HBS1L: variants seen among roughly 807,000 people sequenced by gnomAD.
HBS1L encodes the protein HBS1 like translational GTPase.
Under a neutral mutation model 88.9 loss-of-function variants are expected in HBS1L, and 55 were observed. The observed-to-expected ratio is 0.62, with a 90% CI of 0.50 to 0.77. The LOEUF (loss-of-function observed/expected upper bound fraction) is 0.77. Ranked by LOEUF, HBS1L falls within the 30% of genes least tolerant of loss-of-function variation. The probability of loss-of-function intolerance (pLI) is 0.00; values close to 1 mark genes in which losing one functional copy is unlikely to be tolerated. For synonymous variants in HBS1L, 267 were observed against 288.5 expected, an observed-to-expected ratio of 0.93 and a Z score of 0.76; for missense variants, 741 against 829.3, an observed-to-expected ratio of 0.89 and a Z score of 1.31.
chr6:135,034,080 G>A (rs1454630224), intron 4 of HBS1L, among the ~76,000 whole-genome samples: 2 of 151,768 alleles, frequency 1.3e-5, no homozygotes, highest in African/African-American at 4.8e-5. Context: ...GTATTATGGT[G>A]CACTGATACA....
intron 4 of HBS1L, among the ~76,000 whole-genome samples, chr6:135,018,173 T>C (rs1315235641): frequency 1.3e-5 from 2 of 152,024 alleles, no homozygotes; most frequent in African/African-American, 2.4e-5. Context: ...ACTTAAAATA[T>C]GAAATCATTT....
At chr6:135,010,138 A>T (rs1775734473) in intron 4 of HBS1L, among the ~76,000 whole-genome samples, 1 of 152,154 alleles carries the variant, frequency 6.6e-6, no homozygotes, top group South Asian at 2.1e-4. Context: ...GATCCTATTT[A>T]CATTCTATAG....
chr6:134,999,848 T>C (rs1205103358), intron 5 of HBS1L, among the ~76,000 whole-genome samples: 9 of 152,128 alleles, frequency 5.9e-5, no homozygotes. Context: ...CCTAGGTAAG[T>C]CTGCCCTTAG....
At chr6:135,038,141 T>C (rs973746486) in intron 4 of HBS1L, 8 of 747,030 alleles carry the variant, frequency 1.1e-5, no homozygotes, top group African/African-American at 1.1e-4. Context: ...ATGCTTCTTT[T>C]GATTATGACA....
At chr6:134,972,694 T>C (rs1203375441) in intron 15 of HBS1L, among the ~76,000 whole-genome samples, 3 of 152,196 alleles carry the variant, frequency 2.0e-5, no homozygotes, top group East Asian at 1.9e-4. Flanking sequence ...AAATCATGTA[T>C]GTAATAAGGG....
chr6:134,969,459 C>A (rs975336568), intron 15 of HBS1L, 121 bp from the exon 16 acceptor site: 1 of 664,836 alleles, frequency 1.5e-6, no homozygotes, highest in Non-Finnish European at 2.7e-6. Context: ...TCAGGATCTC[C>A]AGTTGCTTCC....
chr6:135,036,068 T>A, intron 4 of HBS1L: 1 of 655,192 alleles, frequency 1.5e-6, no homozygotes, highest in Non-Finnish European at 1.9e-6. Flanking sequence ...AATAGAAAAA[T>A]TTTAGTATTT....
intron 4 of HBS1L, among the ~76,000 whole-genome samples, chr6:135,034,487 T>C (rs1215922905): frequency 1.3e-5 from 2 of 151,914 alleles, no homozygotes; most frequent in Non-Finnish European, 2.9e-5. Context: ...GTACTAAAAA[T>C]ACAAAAATTA....
Position 134,961,380 on chromosome 6 carries a change from A to T in HBS1L, c.*3899T>A, listed in dbSNP as rs1221100653. On this transcript the variant is annotated 3_prime_UTR_variant, in exon 18 of 18. Transcript: ENST00000367837. ...TACTTAAATGGTTTCAGTGTGAAAA[A>T]GCAGCTTCTGACCTAGCATTCACAC... 1 of 152,192 alleles carries T rather than the reference A, an allele frequency of 6.6e-6. No homozygotes were observed. Among genetic ancestry groups the T allele is most frequent in the African/African-American group, 2.4e-5 (1 of 41,446 alleles). 9.4% of individuals were successfully genotyped at this position (152,192 alleles called of 1,614,324 possible).
chr6:135,050,460 A>G (rs1777046564), intron 2 of HBS1L, 122 bp downstream of exon 2: 1 of 578,360 alleles, frequency 1.7e-6, no homozygotes, highest in African/African-American at 2.0e-5. Flanking sequence ...AATAATTAAC[A>G]TATAATTAAC....
At position 134,996,697 on chromosome 6, in the gene HBS1L, T is replaced by C. The variant is rs1775297532; in HGVS notation, c.965+80A>G. 4.0e-6 allele frequency: 4 copies of C among 1,001,952 alleles called. No individual in the cohort carries two copies. The South Asian group carries it at 8.7e-5, about 22-fold the overall frequency. The allele number at this position is 1,001,952 out of a possible 1,614,324, so 62.1% of individuals were successfully genotyped here. On this transcript the variant is annotated intron_variant, in intron 7 of 17. Coordinates refer to ENST00000367837, the MANE Select transcript of HBS1L (RefSeq NM_006620.4). ...AATCTCTAAAGTATTTCATATGTTT[T>C]ACAAATTCAACACATATTACACACT...
chr6:135,017,666 A>G (rs1481315147), intron 4 of HBS1L, among the ~76,000 whole-genome samples: 1 of 152,062 alleles, frequency 6.6e-6, no homozygotes, highest in African/African-American at 2.4e-5. Flanking sequence ...TGTATGTATA[A>G]TATAACCTTA....
At chr6:135,041,027 A>G (rs1168359439) in intron 3 of HBS1L, among the ~76,000 whole-genome samples, 1 of 152,204 alleles carries the variant, frequency 6.6e-6, no homozygotes, top group Admixed American at 6.5e-5. Flanking sequence ...AGCAATAATC[A>G]AAATAGAATA....
chr6:135,010,110 C>T (rs1353701843), intron 4 of HBS1L, among the ~76,000 whole-genome samples: 1 of 151,988 alleles, frequency 6.6e-6, no homozygotes, highest in Non-Finnish European at 1.5e-5. Context: ...TAAGGCATTC[C>T]CTAAGATTTG....
intron 13 of HBS1L, among the ~76,000 whole-genome samples, chr6:134,980,921 A>C (rs1774811332): frequency 6.6e-6 from 1 of 151,876 alleles, no homozygotes; most frequent in Non-Finnish European, 1.5e-5. Flanking sequence ...GTAAGGTTAG[A>C]ATGGAGGAAG....
chr6:135,015,214 T>A (rs977672167), intron 4 of HBS1L, among the ~76,000 whole-genome samples: 4 of 152,142 alleles, frequency 2.6e-5, no homozygotes, highest in African/African-American at 9.7e-5. Flanking sequence ...CTCTTAATAC[T>A]CAATAGAGAG....
intron 4 of HBS1L, among the ~76,000 whole-genome samples, chr6:135,003,862 C>T (rs1337984704): frequency 6.6e-6 from 1 of 152,028 alleles, no homozygotes; most frequent in African/African-American, 2.4e-5. Flanking sequence ...GAGACTCCGT[C>T]TCCAAAAATA....
intron 9 of HBS1L, among the ~76,000 whole-genome samples, 177 bp downstream of exon 9, chr6:134,987,468 T>C (rs1775010668): frequency 6.6e-6 from 1 of 152,128 alleles, no homozygotes; most frequent in African/African-American, 2.4e-5. Flanking sequence ...AAGAAGACAT[T>C]TTCTTACTTA....
chr6:135,021,276 C>G (rs1242259821), intron 4 of HBS1L, among the ~76,000 whole-genome samples: 2 of 152,040 alleles, frequency 1.3e-5, no homozygotes, highest in Admixed American at 1.3e-4. Context: ...CTACATAATT[C>G]TAGATTCCAT....
Sources: allele counts gnomAD v4.1 joint callset (sites outside exome capture counted in the v4.1 genomes callset), GRCh38; gene constraint gnomAD v4.1.1; transcripts MANE v1.5; gene names NCBI Gene and HGNC (gene_info 2026-07-23, HGNC 2026-07-21).